ZNF280C: variants seen among roughly 807,000 people sequenced by gnomAD.
The protein encoded by ZNF280C is suppressor of hairy wing homolog 3.
Under a neutral mutation model 53.6 loss-of-function variants are expected in ZNF280C, and 14 were observed. That is an observed-to-expected ratio of 0.26 (90% CI 0.17 to 0.41). The LOEUF (loss-of-function observed/expected upper bound fraction) is 0.41. ZNF280C is among the 10% of genes least tolerant of loss of function. ZNF280C has a pLI of 1.00. For synonymous variants in ZNF280C, 203 were observed against 181.1 expected, an observed-to-expected ratio of 1.12 and a Z score of -0.97; for missense variants, 416 against 547.1, an observed-to-expected ratio of 0.76 and a Z score of 2.39.
intron 16 of ZNF280C, among the ~76,000 whole-genome samples, chrX:130,208,638 C>T (rs766691523): frequency 9.0e-6 from 1 of 111,218 alleles, no homozygotes; most frequent in Non-Finnish European, 1.9e-5. Context: ...GTAAAGGTAA[C>T]ACCTAATATA....
At chrX:130,264,686 T>C (rs1434476819) in intron 1 of ZNF280C, among the ~76,000 whole-genome samples, 1 of 110,623 alleles carries the variant, frequency 9.0e-6, no homozygotes, top group South Asian at 3.7e-4. Context: ...ATATATATAG[T>C]ATATATCAGT....
chrX:130,224,131 G>A (rs1331969016), intron 12 of ZNF280C, among the ~76,000 whole-genome samples: 1 of 111,801 alleles, frequency 8.9e-6, no homozygotes, highest in Non-Finnish European at 1.9e-5. Context: ...AGTATTGGGA[G>A]GTGGAGCCTT....
chrX:130,234,330 T>C (rs1006237865), intron 8 of ZNF280C, among the ~76,000 whole-genome samples: 6 of 111,118 alleles, frequency 5.4e-5, no homozygotes, highest in Non-Finnish European at 9.4e-5. Flanking sequence ...GCACCCACAA[T>C]GAATCGTAAG....
chrX:130,222,252 C>T (rs1418409173), intron 12 of ZNF280C, among the ~76,000 whole-genome samples: 1 of 101,658 alleles, frequency 9.8e-6, no homozygotes, highest in African/African-American at 3.6e-5. Context: ...TTACCATCAG[C>T]TGGCATACAT....
intron 2 of ZNF280C, among the ~76,000 whole-genome samples, chrX:130,255,201 C>T (rs1437372712): frequency 1.1e-5 from 1 of 90,854 alleles, no homozygotes; most frequent in South Asian, 5.6e-4. Flanking sequence ...AGTGCAGTGG[C>T]GGGATCTCGG....
chrX:130,213,606 G>A (rs2032067655), intron 15 of ZNF280C, among the ~76,000 whole-genome samples: 1 of 111,755 alleles, frequency 8.9e-6, no homozygotes, highest in Admixed American at 9.5e-5. Flanking sequence ...AGACCTTGAG[G>A]GCATGGTTGG....
At chrX:130,217,524 T>C (rs1256860308) in intron 13 of ZNF280C, among the ~76,000 whole-genome samples, 1 of 112,130 alleles carries the variant, frequency 8.9e-6, no homozygotes, top group Non-Finnish European at 1.9e-5. Flanking sequence ...GTAGTGATGT[T>C]TGCCCAAATC....
At chrX:130,251,308 G>A (rs868573896) in intron 2 of ZNF280C, among the ~76,000 whole-genome samples, 2,169 of 34,876 alleles carry the variant, frequency 0.062, 1 homozygote, top group African/African-American at 0.12. Flanking sequence ...AAAAAAAAAA[G>A]ACCAGCAATA....
chrX:130,249,609 T>C (rs1486536148), intron 2 of ZNF280C, among the ~76,000 whole-genome samples: 4 of 111,803 alleles, frequency 3.6e-5, no homozygotes, highest in Non-Finnish European at 7.5e-5. Flanking sequence ...TGAATCTACC[T>C]TATACCACAA....
At chrX:130,240,888 G>T (rs2032383482) in intron 5 of ZNF280C, among the ~76,000 whole-genome samples, 1 of 112,139 alleles carries the variant, frequency 8.9e-6, no homozygotes, top group African/African-American at 3.2e-5. Context: ...CTTTCCAACT[G>T]AAATAAGAGC....
intron 5 of ZNF280C, among the ~76,000 whole-genome samples, chrX:130,242,741 C>G (rs745706983): frequency 8.9e-6 from 1 of 111,916 alleles, no homozygotes; most frequent in East Asian, 2.8e-4. Flanking sequence ...GGGGTTTCAC[C>G]ACGTTTGCCA....
At chrX:130,258,191 C>T (rs1244203762) in intron 2 of ZNF280C, among the ~76,000 whole-genome samples, 7 of 111,721 alleles carry the variant, frequency 6.3e-5, no homozygotes, top group East Asian at 5.6e-4. Flanking sequence ...TGTGGATTGT[C>T]GGGGACAACT....
intron 1 of ZNF280C, among the ~76,000 whole-genome samples, chrX:130,262,436 T>C (rs984415109): frequency 2.7e-4 from 30 of 112,191 alleles, no homozygotes; most frequent in Non-Finnish European, 4.9e-4. Flanking sequence ...AACAAATACA[T>C]ACAACTTCAT....
intron 12 of ZNF280C, among the ~76,000 whole-genome samples, chrX:130,222,276 C>CCACA (rs59694150): frequency 0.1 from 7,044 of 69,786 alleles, 394 homozygotes; most frequent in Middle Eastern, 0.16. Flanking sequence ...CATTCAGACA[C>CCACA]CACACACACA....
At chrX:130,261,195 T>C (rs2032627586) in intron 1 of ZNF280C, among the ~76,000 whole-genome samples, 2 of 111,899 alleles carry the variant, frequency 1.8e-5, no homozygotes, top group African/African-American at 6.5e-5. Context: ...TTACAATCCG[T>C]CTACGGTTCT....
At chrX:130,252,157 A>C (rs758127203) in intron 2 of ZNF280C, among the ~76,000 whole-genome samples, 24 of 111,982 alleles carry the variant, frequency 2.1e-4, no homozygotes, top group South Asian at 7.4e-4. Context: ...AAAATCAAAA[A>C]ACCAAAAAGC....
chrX:130,211,564 C>A (rs1010307206), intron 15 of ZNF280C, among the ~76,000 whole-genome samples: 1 of 110,753 alleles, frequency 9.0e-6, no homozygotes, highest in Non-Finnish European at 1.9e-5. Flanking sequence ...GAGGAAGGTA[C>A]CTGAAGCAAT....
chrX:130,261,542 A>G (rs1329435596), intron 1 of ZNF280C, among the ~76,000 whole-genome samples: 1 of 112,146 alleles, frequency 8.9e-6, no homozygotes, highest in Non-Finnish European at 1.9e-5. Context: ...ACTTGTATAA[A>G]TGTTTGGATT....
At chrX:130,227,541 T>TCACA in intron 11 of ZNF280C, 141 bp downstream of exon 11, 1 of 489,588 alleles carries the variant, frequency 2.0e-6, no homozygotes, top group African/African-American at 2.4e-5. Context: ...CAAGGGGGTT[T>TCACA]CCACTAATGA....
Sources: allele counts gnomAD v4.1 joint callset (sites outside exome capture counted in the v4.1 genomes callset), GRCh38; gene constraint gnomAD v4.1.1; transcripts MANE v1.5; gene names NCBI Gene and HGNC (gene_info 2026-07-23, HGNC 2026-07-21).